Variants in TEAD2 observed in about 807,000 individuals in gnomAD.
TEAD2 encodes the protein transcriptional enhancer factor TEF-4.
TEAD2 carries 51 observed loss-of-function variants against 61.4 expected under a neutral mutation model. The ratio of observed to expected loss-of-function variants is 0.83; its 90% CI spans 0.66 to 1.05. TEAD2 has a LOEUF of 1.05. Among genes scored for constraint, TEAD2 ranks in the 50% least tolerant of loss-of-function variants. The probability of loss-of-function intolerance (pLI) is 0.00; values close to 1 mark genes in which losing one functional copy is unlikely to be tolerated. For synonymous variants in TEAD2, 244 were observed against 243.2 expected (o/e 1.00, Z -0.03); for missense variants, 509 against 600.0 (o/e 0.85, Z 1.58).
rs1481610771 is a variant in TEAD2 at position 49,345,570 on chromosome 19, T to C, written c.921+1620A>G. Among the ~76,000 whole-genome samples, 8 of 152,220 alleles carry C rather than the reference T, an allele frequency of 5.3e-5. No individual in the cohort carries two copies. In the East Asian group the frequency reaches 1.2e-3, roughly 22 times the overall value. On this transcript the variant is annotated intron_variant, in intron 10 of 12. Coordinates refer to ENST00000593945, the MANE Select transcript of TEAD2 (RefSeq NM_001256660.2). ...GGTCTCACTGTGTTGCCCAGGCTGG[T>C]GTCAAACTCTTGAACACAAGCGAAA...
chr19:49,357,151 T>TAA, intron 4 of TEAD2, 101 bp downstream of exon 4: 1 of 1,197,808 alleles, frequency 8.3e-7, no homozygotes, highest in Non-Finnish European at 1.2e-6. Flanking sequence ...GCTCTAAGTC[T>TAA]CTGTCCCCCT....
Position 49,342,488 on chromosome 19 carries a change from G to A in TEAD2, c.1192C>T (p.Pro398Ser), listed in dbSNP as rs775946653. The part of the protein sequence containing the change: ...VNFLHKLRQL[P>S]ERYMMNSVLE... The stretch of plus-strand genomic sequence containing the variant: ...ACGCTGTTCATCATGTATCGCTCAG[G>A]CAGCTGCCGCAACTTGTGCAAGAAA... The change falls in exon 12 of 13, where the codon CCT becomes TCT. Residue 398 changes from proline (P) to serine (S), a missense_variant. Transcript: ENST00000593945. The A allele has an allele frequency of 6.2e-7, 1 of 1,614,138 alleles. No individual in the cohort carries two copies. The highest frequency in any genetic ancestry group is 8.5e-7 in the Non-Finnish European group (1 of 1,179,988).
At chr19:49,357,140 C>A (rs1369841414) in intron 4 of TEAD2, 112 bp downstream of exon 4, 1 of 1,116,204 alleles carries the variant, frequency 9.0e-7, no homozygotes, top group Non-Finnish European at 1.3e-6. Context: ...CAGTCCTCCC[C>A]GCTCTAAGTC....
intron 10 of TEAD2, among the ~76,000 whole-genome samples, chr19:49,345,697 C>T (rs1480631545): frequency 6.6e-6 from 1 of 152,064 alleles, no homozygotes; most frequent in Non-Finnish European, 1.5e-5. Context: ...ACCTTTGTTA[C>T]TATAAGAACT....
rs1348088550 is a variant in TEAD2, at chr19:49,342,707, C to T, written c.1090-117G>A. On this transcript the variant is annotated intron_variant, in intron 11 of 12. Coordinates refer to ENST00000593945, the MANE Select transcript of TEAD2 (RefSeq NM_001256660.2). ...CCACCACACTCACTCTCACTGCCACCTTCCTTTCATCACCCCACCCACAGT... is the reference window on the plus strand; with the variant it reads ...CCACCACACTCACTCTCACTGCCACTTTCCTTTCATCACCCCACCCACAGT... 26 of 1,312,164 alleles carry T rather than the reference C, an allele frequency of 2.0e-5. 2 individuals carry two copies. The South Asian group carries it at 3.5e-4, about 18-fold the overall frequency. The allele number at this position is 1,312,164 out of a possible 1,614,324, so 81.3% of individuals were successfully genotyped here.
At chr19:49,347,077 G>A in intron 10 of TEAD2, 113 bp downstream of exon 10, 2 of 1,389,246 alleles carry the variant, frequency 1.4e-6, no homozygotes, top group Admixed American at 1.9e-5. Context: ...GGACTGACTG[G>A]TAAGTCCCAG....
Position 49,355,428 on chromosome 19 carries a change from G to A in TEAD2, c.373-9C>T, listed in dbSNP as rs1600763884. 2 of 1,612,166 alleles carry A rather than the reference G, an allele frequency of 1.2e-6. No homozygotes were observed. Among genetic ancestry groups the A allele is most frequent in the African/African-American group, 1.3e-5 (1 of 75,026 alleles). On this transcript the variant is annotated splice_polypyrimidine_tract_variant and intron_variant, in intron 5 of 12. Coordinates refer to ENST00000593945, the MANE Select transcript of TEAD2 (RefSeq NM_001256660.2). ...TCCTTGGAAACCTGGTCCTGGAGGA[G>A]GAGGCGGAAGTTCATGTGAGAGGGG...
chr19:49,343,532 G>A, intron 10 of TEAD2, 134 bp from the exon 11 acceptor site: 1 of 980,328 alleles, frequency 1.0e-6, no homozygotes, highest in Non-Finnish European at 1.4e-6. Flanking sequence ...CTGAGGTTGG[G>A]AGTTCAAGAC....
intron 1 of TEAD2, chr19:49,361,417 A>C (rs1219629188): frequency 6.5e-6 from 1 of 153,366 alleles, no homozygotes; most frequent in Non-Finnish European, 1.4e-5. Flanking sequence ...AGGGACAGAG[A>C]CTCAGGGCAG....
chr19:49,359,174 G>A lies in TEAD2; in HGVS notation c.297+261C>T. 2.4e-6 allele frequency: 1 copy of A among 413,284 alleles called. No individual in the cohort carries two copies. The highest frequency in any genetic ancestry group is 4.5e-6 in the Non-Finnish European group (1 of 223,942). The allele number at this position is 413,284 out of a possible 1,614,324, so 25.6% of individuals were successfully genotyped here. ...AATTGCTTGAACCCGGGAGGCAGAGGTTGCAGTGAGCCAAGATCGCGCCAC... is the reference window on the plus strand; with the variant it reads ...AATTGCTTGAACCCGGGAGGCAGAGATTGCAGTGAGCCAAGATCGCGCCAC... On this transcript the variant is annotated intron_variant, in intron 3 of 12. Transcript: ENST00000593945. The surrounding 1 kb of genome is among the most constrained non-coding windows in gnomAD (Gnocchi z 4.1).
intron 11 of TEAD2, 68 bp from the exon 12 acceptor site, chr19:49,342,658 G>T: frequency 6.3e-7 from 1 of 1,575,292 alleles, no homozygotes; most frequent in Non-Finnish European, 8.7e-7. Flanking sequence ...CAGGAATTGA[G>T]CTCCACCCTG....
At position 49,348,830 on chromosome 19, in the gene TEAD2, T is replaced by C; in HGVS notation, c.620A>G (p.Gln207Arg). The change falls in exon 9 of 13, where the codon CAA becomes CGA. Residue 207 changes from glutamine (Q) to arginine (R), a missense_variant. Physicochemically the swap from Gln to Arg is conservative, Grantham distance 43. Coordinates refer to ENST00000593945, the MANE Select transcript of TEAD2 (RefSeq NM_001256660.2). Reference protein sequence around the residue: ...STDLPGYEPPQALSPLPPPTP... With the variant: ...STDLPGYEPPRALSPLPPPTP... ...AGGTGGGGGCAGGGGTGAGAGGGCT[T>C]GGGGGGGCTCGTACCCTAGAGAGAG... 6.4e-7 allele frequency: 1 copy of C among 1,573,830 alleles called. No homozygotes were observed. Among genetic ancestry groups the C allele is most frequent in the Non-Finnish European group, 8.6e-7 (1 of 1,164,474 alleles).
intron 7 of TEAD2, among the ~76,000 whole-genome samples, chr19:49,354,335 T>A (rs1223837467): frequency 6.6e-6 from 1 of 151,274 alleles, no homozygotes; most frequent in Non-Finnish European, 1.5e-5. Context: ...AAGACCCCCG[T>A]CTCTACAAAA....
At chr19:49,357,912 A>G in intron 3 of TEAD2, 1 of 154,644 alleles carries the variant, frequency 6.5e-6, no homozygotes, top group Non-Finnish European at 1.4e-5. Context: ...AGCCTGGCCA[A>G]CATGGTGAAA....
intron 6 of TEAD2, 38 bp from the exon 7 acceptor site, chr19:49,355,244 CT>C (rs774840264): frequency 6.2e-7 from 1 of 1,613,636 alleles, no homozygotes; most frequent in Non-Finnish European, 8.5e-7. Flanking sequence ...GGTCAGTCCC[CT>C]GTGGACAGCT....
At chr19:49,349,233 G>A (rs1004317478) in intron 8 of TEAD2, among the ~76,000 whole-genome samples, 2 of 152,178 alleles carry the variant, frequency 1.3e-5, no homozygotes, top group African/African-American at 4.8e-5. Flanking sequence ...GGAGGCCAAC[G>A]CAGGTGGATC....
chr19:49,358,846 T>C (rs754099617), intron 3 of TEAD2, among the ~76,000 whole-genome samples: 11 of 151,306 alleles, frequency 7.3e-5, no homozygotes, highest in Non-Finnish European at 1.3e-4. Flanking sequence ...TTGGTCAGGA[T>C]GGTCTCGATC....
chr19:49,354,662 GAGA>G (rs966483562), intron 7 of TEAD2, among the ~76,000 whole-genome samples: 18 of 151,970 alleles, frequency 1.2e-4, no homozygotes, highest in Non-Finnish European at 2.2e-4. Flanking sequence ...CTGAACCTAA[GAGA>G]AGATTAATTA....
chr19:49,343,897 G>A (rs1354013475), intron 10 of TEAD2, among the ~76,000 whole-genome samples: 4 of 144,582 alleles, frequency 2.8e-5, no homozygotes, highest in Non-Finnish European at 4.5e-5. Flanking sequence ...CCCAGGCAAT[G>A]TGTGGTGGTA....
Sources: gnomAD v4.1 joint callset for allele counts (sites outside exome capture counted in the v4.1 genomes callset) on GRCh38, gnomAD v4.1.1 for gene constraint, Gnocchi (gnomAD v3.1) non-coding constraint, MANE v1.5 for transcripts, NCBI Gene and HGNC (gene_info 2026-07-23, HGNC 2026-07-21) for gene names.